Variants in CCDC7 observed in about 807,000 individuals in gnomAD.
CCDC7 encodes coiled-coil domain-containing protein 7.
CCDC7 carries 183 observed loss-of-function variants against 196.9 expected under a neutral mutation model. That is an observed-to-expected ratio of 0.93 (90% CI 0.82 to 1.05). The LOEUF is 1.05. CCDC7 is among the 50% of genes least tolerant of loss of function. The pLI, the probability that CCDC7 is intolerant of heterozygous loss-of-function variation, is 0.00. For synonymous variants in CCDC7, 525 were observed against 484.6 expected, an observed-to-expected ratio of 1.08 and a Z score of -1.10; for missense variants, 1,540 against 1,482.2, an observed-to-expected ratio of 1.04 and a Z score of -0.64.
chr10:32,559,334 C>T (rs968205321), intron 13 of CCDC7, among the ~76,000 whole-genome samples: 10 of 152,148 alleles, frequency 6.6e-5, no homozygotes, highest in South Asian at 2.1e-4. Context: ...TCTCCCAGCA[C>T]GCAGCTGGAG....
intron 32 of CCDC7, among the ~76,000 whole-genome samples, chr10:32,831,496 CTT>C (rs899583458): frequency 5.9e-5 from 9 of 152,182 alleles, no homozygotes; most frequent in South Asian, 2.1e-4. Flanking sequence ...TTTTTGGACT[CTT>C]ATAATAACAT....
At chr10:32,632,835 C>G (rs2065060649) in intron 18 of CCDC7, among the ~76,000 whole-genome samples, 1 of 152,062 alleles carries the variant, frequency 6.6e-6, no homozygotes, top group African/African-American at 2.4e-5. Flanking sequence ...TTAAATTTCT[C>G]AAGGCTTGAT....
At chr10:32,694,903 A>G in exon 24 of CCDC7, 1 of 1,600,226 alleles carries the variant, frequency 6.2e-7, no homozygotes, top group Non-Finnish European at 8.5e-7. Flanking sequence ...CCAGGCAAAA[A>G]TCTTGTGCTT....
In CCDC7 at chr10:32,805,001, A is replaced by T. The variant is rs764588869; in HGVS notation, c.3014-14A>T. The T allele has an allele frequency of 8.4e-5, 131 of 1,550,858 alleles. No individual in the cohort carries two copies. The highest frequency in any genetic ancestry group is 1.2e-4 in the Non-Finnish European group (130 of 1,124,432). On this transcript the variant is annotated splice_polypyrimidine_tract_variant and intron_variant, in intron 29 of 41. Transcript: ENST00000639629. ...TACCTCGCAAAGTATTTTTAAATCCATCTATTTCTATAGAGACTGATATAG... is the reference window on the plus strand; with the variant it reads ...TACCTCGCAAAGTATTTTTAAATCCTTCTATTTCTATAGAGACTGATATAG...
At chr10:32,670,390 T>A (rs181886187) in intron 21 of CCDC7, among the ~76,000 whole-genome samples, 8,833 of 152,006 alleles carry the variant, frequency 0.058, 853 homozygotes, top group African/African-American at 0.2. Flanking sequence ...TCTTTTTTTT[T>A]TAAATTTATT....
rs2046217086 is a variant in CCDC7 at position 32,511,588 on chromosome 10, T to G, written c.873-6357T>G. 6.9e-6 allele frequency: 11 copies of G among 1,604,980 alleles called. No individual in the cohort carries two copies. In the Middle Eastern group the frequency reaches 2.2e-3, roughly 317 times the overall value. On this transcript the variant is annotated intron_variant, in intron 9 of 41. Coordinates refer to ENST00000639629, the Ensembl canonical transcript of CCDC7. ...CAGAAACCAAATCCACTTTTGCTTG[T>G]TCAAGTGGATCCAACTTCTGCAACA... is the stretch of plus-strand genomic sequence containing the variant.
intron 25 of CCDC7, among the ~76,000 whole-genome samples, chr10:32,721,655 C>A (rs1469785216): frequency 1.3e-5 from 2 of 152,066 alleles, no homozygotes; most frequent in African/African-American, 4.8e-5. Context: ...CAATTGTCTC[C>A]TCTGGAATAA....
At chr10:32,859,105 C>A (rs954640256) in intron 41 of CCDC7, among the ~76,000 whole-genome samples, 6 of 152,164 alleles carry the variant, frequency 3.9e-5, no homozygotes, top group Non-Finnish European at 8.8e-5. Flanking sequence ...CCCAAATCAA[C>A]AAAACATACA....
intron 33 of CCDC7, among the ~76,000 whole-genome samples, chr10:32,837,332 C>G (rs2092683631): frequency 6.6e-6 from 1 of 152,086 alleles, no homozygotes. Context: ...AAATGCTCAT[C>G]ATCACTGGCC....
intron 9 of CCDC7, among the ~76,000 whole-genome samples, chr10:32,500,622 G>A (rs574972746): frequency 2.6e-5 from 4 of 152,218 alleles, no homozygotes; most frequent in Admixed American, 6.5e-5. Context: ...AGGCAGAGAC[G>A]CTCCTCACTT....
intron 24 of CCDC7, among the ~76,000 whole-genome samples, chr10:32,702,827 A>G (rs1327884627): frequency 6.6e-6 from 1 of 152,190 alleles, no homozygotes; most frequent in East Asian, 1.9e-4. Flanking sequence ...ATCCAAGACT[A>G]GGATTGCAAC....
intron 21 of CCDC7, among the ~76,000 whole-genome samples, chr10:32,684,931 C>T (rs1172177555): frequency 1.4e-5 from 2 of 144,904 alleles, no homozygotes; most frequent in African/African-American, 2.6e-5. Flanking sequence ...GTTTTAGTTT[C>T]TTCTTATCCT....
chr10:32,794,982 C>A (rs1305471336), intron 29 of CCDC7, among the ~76,000 whole-genome samples: 5 of 152,080 alleles, frequency 3.3e-5, no homozygotes, highest in East Asian at 1.9e-4. Context: ...TGCTTGGCAA[C>A]CCCATGTAGG....
chr10:32,688,457 A>G (rs1350496094), intron 22 of CCDC7, among the ~76,000 whole-genome samples: 3 of 152,156 alleles, frequency 2.0e-5, no homozygotes, highest in African/African-American at 2.4e-5. Context: ...ATAAAGATAG[A>G]TATCTCCCCA....
In CCDC7 at chr10:32,736,025, A is replaced by G. The variant is rs977829695; in HGVS notation, c.2905+6568A>G. Among the ~76,000 whole-genome samples, 18 of 152,162 alleles carry G rather than the reference A, an allele frequency of 1.2e-4. No individual in the cohort carries two copies. The East Asian group carries it at 1.4e-3, about 11-fold the overall frequency. On this transcript the variant is annotated intron_variant, in intron 28 of 41. Transcript: ENST00000639629. Reference sequence around the variant, plus strand: ...TCTGTTCCAATTGCTCTATTTGTCTATTGTTTCATCAATAGCATACTGTCT... The same window carrying G: ...TCTGTTCCAATTGCTCTATTTGTCTGTTGTTTCATCAATAGCATACTGTCT...
intron 24 of CCDC7, among the ~76,000 whole-genome samples, chr10:32,707,825 T>C (rs2080060910): frequency 6.6e-6 from 1 of 151,856 alleles, no homozygotes; most frequent in Non-Finnish European, 1.5e-5. Flanking sequence ...TAAAAGAGGA[T>C]ACAAACAAAT....
chr10:32,641,445 G>A (rs540056187), intron 20 of CCDC7, among the ~76,000 whole-genome samples: 75 of 152,106 alleles, frequency 4.9e-4, no homozygotes, highest in African/African-American at 1.6e-3. Context: ...TGATCGAATC[G>A]GCTACTGAGG....
intron 29 of CCDC7, among the ~76,000 whole-genome samples, chr10:32,796,272 G>A (rs181243169): frequency 6.6e-6 from 1 of 151,806 alleles, no homozygotes; most frequent in African/African-American, 2.4e-5. Context: ...GGCTTTCTGT[G>A]GGGGAAAGGG....
At chr10:32,636,591 A>G (rs1419160317) in intron 20 of CCDC7, among the ~76,000 whole-genome samples, 2 of 152,110 alleles carry the variant, frequency 1.3e-5, no homozygotes, top group South Asian at 2.1e-4. Flanking sequence ...GTATTCCATG[A>G]TGTATATGTG....
Sources: allele counts gnomAD v4.1 joint callset (sites outside exome capture counted in the v4.1 genomes callset), GRCh38; gene constraint gnomAD v4.1.1; transcripts MANE v1.5; gene names NCBI Gene and HGNC (gene_info 2026-07-23, HGNC 2026-07-21).